The following OVCH2 variants were observed in gnomAD, a reference collection of about 807,000 sequenced individuals.
OVCH2 encodes ovochymase 2, also known as ovochymase-2.
A neutral mutation model predicts 73.7 loss-of-function variants in OVCH2; 88 were observed. That is an observed-to-expected ratio of 1.19 (90% CI 1.01 to 1.43). The LOEUF (loss-of-function observed/expected upper bound fraction) is 1.43. Among genes scored for constraint, OVCH2 ranks in the 40% most tolerant of loss-of-function variants. OVCH2 has a pLI of 0.00. For missense variants in OVCH2, 706 were observed against 674.5 expected (o/e 1.05, Z -0.52); for synonymous variants, 265 against 234.5 (o/e 1.13, Z -1.19).
intron 8 of OVCH2, among the ~76,000 whole-genome samples, chr11:7,697,279 C>T (rs1856355921): frequency 1.3e-5 from 2 of 152,178 alleles, no homozygotes; most frequent in Admixed American, 6.5e-5. Flanking sequence ...TGGACTCAAG[C>T]GATCCTCCCA....
intron 12 of OVCH2, among the ~76,000 whole-genome samples, chr11:7,694,278 GAA>G (rs983725630): frequency 6.6e-6 from 1 of 152,124 alleles, no homozygotes; most frequent in Non-Finnish European, 1.5e-5. Flanking sequence ...AGTGTTTAAT[GAA>G]CAAACAACTA....
At chr11:7,692,628 G>C (rs986934170) in intron 12 of OVCH2, among the ~76,000 whole-genome samples, 4 of 152,220 alleles carry the variant, frequency 2.6e-5, no homozygotes, top group African/African-American at 9.6e-5. Flanking sequence ...AGTGGGCTCG[G>C]AGTCAAATGT....
In OVCH2 at chr11:7,700,467, G is replaced by A. The variant is rs1231071077; in HGVS notation, c.730C>T (p.Leu244Phe). 1 of 1,606,888 alleles carries A rather than the reference G, an allele frequency of 6.2e-7. No homozygotes were observed. The highest frequency in any genetic ancestry group is 1.3e-5 in the African/African-American group (1 of 74,814). ...DACQGDSGGS[L>F]MCRNKKGAWT... ...GCCCCTTTCTTATTCCGGCACATGA[G>A]TGAACCTCCTGAATCTCCCTGCAGA... is the stretch of plus-strand genomic sequence containing the variant. Residue 244 changes from leucine to phenylalanine, a missense_variant, in exon 7 of 16, where the codon CTC becomes TTC. Leu to Phe is a conservative substitution (Grantham distance 22). Coordinates refer to ENST00000533663, the MANE Select transcript of OVCH2 (RefSeq NM_198185.7).
Position 7,691,790 on chromosome 11 carries a change from G to T in OVCH2, c.1507+112C>A, listed in dbSNP as rs958419465. ...AGTGATGGTGAGACCACAGGGAGGG[G>T]TGGAGGTGGTGCAGGAAGATGGAGG... On this transcript the variant is annotated intron_variant, in intron 13 of 15. Coordinates refer to ENST00000533663, the MANE Select transcript of OVCH2 (RefSeq NM_198185.7). 3 of 770,974 alleles carry T rather than the reference G, an allele frequency of 3.9e-6. No homozygotes were observed. In the African/African-American group the frequency reaches 5.2e-5, roughly 13 times the overall value. The allele number at this position is 770,974 out of a possible 1,614,324, so 47.8% of individuals were successfully genotyped here. A position where few individuals can be genotyped will look rare whatever the true frequency, so the allele number is the denominator to read the frequency against.
At chr11:7,698,950 G>T in intron 7 of OVCH2, 177 bp from the exon 8 acceptor site, 1 of 585,932 alleles carries the variant, frequency 1.7e-6, no homozygotes, top group Non-Finnish European at 3.0e-6. Context: ...GGCCTCTGGT[G>T]TTTTAAAATG....
chr11:7,701,486 G>C lies in OVCH2; in HGVS notation c.560-11C>G, dbSNP rs1383648161. 7.5e-6 allele frequency: 12 copies of C among 1,607,602 alleles called. No individual in the cohort carries two copies. In the Admixed American group the frequency reaches 1.7e-4, roughly 23 times the overall value. On this transcript the variant is annotated splice_polypyrimidine_tract_variant and intron_variant, in intron 5 of 15. Transcript: ENST00000533663. ...GTGAGAGGACGCCACCTGAAAAACAGAGAGATGGAAGCCCCAGCAGGAACT... is the reference window on the plus strand; with the variant it reads ...GTGAGAGGACGCCACCTGAAAAACACAGAGATGGAAGCCCCAGCAGGAACT...
chr11:7,685,152 G>A (rs1373177686), downstream of OVCH2, among the ~76,000 whole-genome samples: 1 of 152,156 alleles, frequency 6.6e-6, no homozygotes, highest in East Asian at 1.9e-4. Context: ...TGGTAGGAGA[G>A]TGGGGGCACA....
the OVCH2 span, among the ~76,000 whole-genome samples, chr11:7,684,010 T>C: frequency 1.9e-3 from 278 of 149,190 alleles, 1 homozygote; most frequent in Middle Eastern, 0.014. Flanking sequence ...TATATATATA[T>C]ATGTATATAA....
Position 7,691,264 on chromosome 11 carries a change from C to A in OVCH2, c.1639+5G>T. The A allele has an allele frequency of 6.2e-7, 1 of 1,604,030 alleles. No individual in the cohort carries two copies. Among genetic ancestry groups the A allele is most frequent in the Non-Finnish European group, 8.5e-7 (1 of 1,175,162 alleles). On this transcript the variant is annotated splice_donor_5th_base_variant and intron_variant, in intron 14 of 15. Coordinates refer to ENST00000533663, the MANE Select transcript of OVCH2 (RefSeq NM_198185.7). The stretch of plus-strand genomic sequence containing the variant: ...ACCAAAGAGTTGGTAACTCTATCTT[C>A]TTACCTGCTTTAGGAATGAAGGAGA...
In OVCH2 at chr11:7,695,188, T is replaced by A; in HGVS notation, c.1283A>T (p.Asp428Val). The change falls in exon 12 of 16, where the codon GAT becomes GTT. Residue 428 changes from aspartate (D) to valine (V), a missense_variant and splice_region_variant. Asp to Val is a radical substitution (Grantham distance 152). Coordinates refer to ENST00000533663, the MANE Select transcript of OVCH2 (RefSeq NM_198185.7). Reference protein sequence around the residue: ...YKALKPNYIPDSGCSYLTVLF... With the variant: ...YKALKPNYIPVSGCSYLTVLF... ...GACAGTTAAGTAACTGCAACCTGAA[T>A]CTGAAACGTAAGAAAAAGTCCAAAC... 6.4e-7 allele frequency: 1 copy of A among 1,553,912 alleles called. No homozygotes were observed. The highest frequency in any genetic ancestry group is 8.7e-7 in the Non-Finnish European group (1 of 1,151,396).
chr11:7,700,255 C>T (rs902685762), intron 7 of OVCH2, 41 bp downstream of exon 7: 4 of 1,594,002 alleles, frequency 2.5e-6, no homozygotes. Context: ...CTGGCCCTAG[C>T]AGAATGGCAG....
At chr11:7,703,862 T>G (rs1272951090) in intron 2 of OVCH2, 73 bp from the exon 3 acceptor site, 1 of 1,186,842 alleles carries the variant, frequency 8.4e-7, no homozygotes, top group Non-Finnish European at 1.2e-6. Flanking sequence ...ATGAAGCCTA[T>G]TCTCAAAACC....
chr11:7,705,852 C>A (rs774278909), intron 1 of OVCH2, among the ~76,000 whole-genome samples: 1 of 152,146 alleles, frequency 6.6e-6, no homozygotes, highest in African/African-American at 2.4e-5. Flanking sequence ...CTTCCAAGAA[C>A]TGTTTTCAGC....
At position 7,695,123 on chromosome 11, in the gene OVCH2, C is replaced by A; in HGVS notation, c.1348G>T (p.Glu450Ter). The A allele has an allele frequency of 6.4e-7, 1 of 1,554,206 alleles. No individual in the cohort carries two copies. Among genetic ancestry groups the A allele is most frequent in the Non-Finnish European group, 8.7e-7 (1 of 1,148,292 alleles). ...EGLIQSLNYP[E>*]NYSDKANCDW... ...CAGTTAGCCTTGTCACTGTAGTTTT[C>A]AGGATAGTTTAGACTCTGTATGAGA... The change falls in exon 12 of 16, where the codon GAA becomes TAA. Residue 450 changes from glutamate to a stop codon, truncating the protein, a stop_gained. Transcript: ENST00000533663. LOFTEE classifies it high-confidence loss of function.
chr11:7,687,801 C>A, downstream of OVCH2, among the ~76,000 whole-genome samples: 1 of 152,076 alleles, frequency 6.6e-6, no homozygotes, highest in Admixed American at 6.6e-5. Context: ...ACTGCCAAGT[C>A]CAAGATCAGG....
chr11:7,691,781 CAGGGAGGGGTGGA>C, intron 13 of OVCH2, 108 bp downstream of exon 13: 1 of 724,412 alleles, frequency 1.4e-6, no homozygotes, highest in South Asian at 1.9e-5. Context: ...GGTGAGACCA[CAGGGAGGGGTGGA>C]GGTGGTGCAG....
chr11:7,702,503 C>T (rs1328271581), intron 3 of OVCH2, among the ~76,000 whole-genome samples, 174 bp from the exon 4 acceptor site: 1 of 152,126 alleles, frequency 6.6e-6, no homozygotes, highest in African/African-American at 2.4e-5. Flanking sequence ...TGCAGAGATT[C>T]CAACTTCCAG....
chr11:7,698,765 T>G lies in OVCH2; in HGVS notation c.910A>C (p.Arg304=). The G allele has an allele frequency of 6.2e-7, 1 of 1,612,842 alleles. No homozygotes were observed. The highest frequency in any genetic ancestry group is 1.3e-5 in the African/African-American group (1 of 75,022). ...GGATACCCACCTCTGGAGCTCTTTC[T>G]CCGATTACCTGGGAAAGGAAAAGAA... The part of the protein sequence containing the change: ...IHEHIQTGNR[R]KSSRAWCSEQ... Residue 304 remains arginine (R), a synonymous_variant, in exon 8 of 16, where the codon AGA becomes CGA. Transcript: ENST00000533663.
At chr11:7,695,284 A>C in intron 11 of OVCH2, 96 bp from the exon 12 acceptor site, 1 of 1,367,504 alleles carries the variant, frequency 7.3e-7, no homozygotes, top group Non-Finnish European at 9.8e-7. Context: ...GATGCATATC[A>C]ATTGCATTTT....
Sources: allele counts gnomAD v4.1 joint callset (sites outside exome capture counted in the v4.1 genomes callset), GRCh38; gene constraint gnomAD v4.1.1; transcripts MANE v1.5; gene names NCBI Gene and HGNC (gene_info 2026-07-23, HGNC 2026-07-21).